Variants in KLHL32 observed in about 807,000 individuals in gnomAD.
The protein encoded by KLHL32 is kelch-like protein 32.
In KLHL32, 35 loss-of-function variants were observed where a neutral mutation model predicts 64.8. The observed-to-expected ratio is 0.54, with a 90% CI of 0.41 to 0.72. KLHL32 has a LOEUF of 0.72. Ranked by LOEUF, KLHL32 falls within the 30% of genes least tolerant of loss-of-function variation. The pLI, the probability that KLHL32 is intolerant of heterozygous loss-of-function variation, is 0.00. For synonymous variants in KLHL32, 259 were observed against 281.0 expected (o/e 0.92, Z 0.78); for missense variants, 589 against 768.5 (o/e 0.77, Z 2.76).
chr6:97,063,477 G>T (rs1224906511), intron 4 of KLHL32, among the ~76,000 whole-genome samples: 2 of 152,202 alleles, frequency 1.3e-5, no homozygotes, highest in African/African-American at 2.4e-5. Flanking sequence ...GAGAGCAAAA[G>T]GTACTGATAC....
chr6:97,069,658 G>A (rs747182209), intron 5 of KLHL32, among the ~76,000 whole-genome samples: 8 of 151,888 alleles, frequency 5.3e-5, no homozygotes, highest in East Asian at 3.9e-4. Context: ...CCTTCACATC[G>A]TGGGAGTTCA....
At chr6:97,076,817 C>A (rs116515146) in intron 5 of KLHL32, among the ~76,000 whole-genome samples, 1 of 151,716 alleles carries the variant, frequency 6.6e-6, no homozygotes, top group South Asian at 2.1e-4. Flanking sequence ...TTTCTAGGCA[C>A]GTACCTTTAT....
chr6:97,002,749 G>T (rs1291797013), intron 3 of KLHL32, among the ~76,000 whole-genome samples: 1 of 152,142 alleles, frequency 6.6e-6, no homozygotes, highest in Non-Finnish European at 1.5e-5. Flanking sequence ...TCCTGCGTTA[G>T]TTCACTTACA....
intron 5 of KLHL32, among the ~76,000 whole-genome samples, chr6:97,066,705 A>T (rs1789808405): frequency 6.6e-6 from 1 of 152,182 alleles, no homozygotes. Context: ...GCCTTTAAAA[A>T]ATATATATAC....
intron 7 of KLHL32, among the ~76,000 whole-genome samples, chr6:97,123,661 C>T (rs1460457878): frequency 6.6e-6 from 1 of 152,098 alleles, no homozygotes; most frequent in Non-Finnish European, 1.5e-5. Context: ...ACAGATGTAT[C>T]TATAGAAAGC....
chr6:97,104,844 C>T (rs1052718021), intron 6 of KLHL32, among the ~76,000 whole-genome samples: 7 of 152,118 alleles, frequency 4.6e-5, no homozygotes, highest in African/African-American at 1.7e-4. Context: ...TGGTGCTTTT[C>T]GATTTTATGG....
intron 2 of KLHL32, among the ~76,000 whole-genome samples, chr6:96,967,443 G>A (rs1217382770): frequency 6.6e-6 from 1 of 151,440 alleles, no homozygotes; most frequent in Non-Finnish European, 1.5e-5. Flanking sequence ...ATATATAGAT[G>A]TGTATATATA....
intron 5 of KLHL32, among the ~76,000 whole-genome samples, chr6:97,081,469 ATTCTC>A (rs943127649): frequency 6.6e-6 from 1 of 152,204 alleles, no homozygotes; most frequent in Non-Finnish European, 1.5e-5. Context: ...GGGGCAGTCT[ATTCTC>A]AGTCAGTGAA....
Position 97,127,482 on chromosome 6 carries a change from A to T in KLHL32, c.1413+20A>T, listed in dbSNP as rs1267672656. 1.9e-6 allele frequency: 3 copies of T among 1,582,944 alleles called. No individual in the cohort carries two copies. The highest frequency in any genetic ancestry group is 2.6e-6 in the Non-Finnish European group (3 of 1,153,386). On this transcript the variant is annotated intron_variant, in intron 8 of 10. Coordinates refer to ENST00000369261, the MANE Select transcript of KLHL32 (RefSeq NM_052904.4). Reference sequence around the variant, plus strand: ...AACCAGGTAAGAATCATGTAAGAACACCTCATTATCTTAATTAATGAATTT... The same window carrying T: ...AACCAGGTAAGAATCATGTAAGAACTCCTCATTATCTTAATTAATGAATTT...
chr6:97,026,092 C>T (rs1782687818), intron 3 of KLHL32, among the ~76,000 whole-genome samples: 1 of 151,776 alleles, frequency 6.6e-6, no homozygotes, highest in Non-Finnish European at 1.5e-5. Flanking sequence ...GAAATAAATA[C>T]ATTATATATA....
intron 1 of KLHL32, among the ~76,000 whole-genome samples, chr6:96,947,029 A>T (rs1484853414): frequency 1.3e-5 from 2 of 152,326 alleles, no homozygotes; most frequent in Non-Finnish European, 2.9e-5. Flanking sequence ...GATTTAAAGC[A>T]TTTGTAAATG....
chr6:97,024,971 C>T (rs1212539082), intron 3 of KLHL32: 2 of 983,536 alleles, frequency 2.0e-6, no homozygotes, highest in Admixed American at 1.2e-4. Context: ...GTAAAATTTG[C>T]ATTCATGCTT....
chr6:96,911,868 C>G, the KLHL32 span, among the ~76,000 whole-genome samples: 1 of 95,378 alleles, frequency 1.0e-5, no homozygotes, highest in South Asian at 3.6e-4. Flanking sequence ...TGCCACTCCT[C>G]CATTCACCCC....
At chr6:97,079,943 C>T (rs762483913) in intron 5 of KLHL32, among the ~76,000 whole-genome samples, 3 of 152,082 alleles carry the variant, frequency 2.0e-5, no homozygotes, top group African/African-American at 7.2e-5. Context: ...AAAACCACTA[C>T]CGCTACCTGG....
At chr6:97,135,284 C>A (rs371706134) in intron 10 of KLHL32, among the ~76,000 whole-genome samples, 1 of 149,786 alleles carries the variant, frequency 6.7e-6, no homozygotes, top group Non-Finnish European at 1.5e-5. Flanking sequence ...CTACAAAGCA[C>A]AGACAAATTT....
rs146906589 is a variant in KLHL32 at position 96,994,678 on chromosome 6, A to G, written c.204+18501A>G. On this transcript the variant is annotated intron_variant, in intron 3 of 10. Coordinates refer to ENST00000369261, the MANE Select transcript of KLHL32 (RefSeq NM_052904.4). ...AATGATTAGTTGCGTGCAAAGTACT[A>G]TGAGTTCCTGTGATCATCACCATTT... The G allele has an allele frequency of 1.6e-5, 15 of 947,166 alleles. No individual in the cohort carries two copies. In the East Asian group the frequency reaches 1.3e-3, roughly 80 times the overall value. 58.7% of individuals were successfully genotyped at this position (947,166 alleles called of 1,614,324 possible).
intron 6 of KLHL32, among the ~76,000 whole-genome samples, chr6:97,101,651 A>G (rs529934706): frequency 6.6e-6 from 1 of 152,308 alleles, no homozygotes; most frequent in African/African-American, 2.4e-5. Flanking sequence ...TGCTTCTCCA[A>G]CGTTGAATTT....
chr6:96,994,656 G>A, intron 3 of KLHL32: 1 of 979,104 alleles, frequency 1.0e-6, no homozygotes. Flanking sequence ...ATTAATGAAT[G>A]ATTAGTTGCG....
chr6:97,028,541 A>G (rs746378331), intron 3 of KLHL32, among the ~76,000 whole-genome samples: 7 of 152,038 alleles, frequency 4.6e-5, no homozygotes, highest in Non-Finnish European at 1.0e-4. Context: ...CTCTAAATAA[A>G]TTTCCTTTTT....
Sources: gnomAD v4.1 joint callset for allele counts (sites outside exome capture counted in the v4.1 genomes callset) on GRCh38, gnomAD v4.1.1 for gene constraint, MANE v1.5 for transcripts, NCBI Gene and HGNC (gene_info 2026-07-23, HGNC 2026-07-21) for gene names.